The following SPOPL variants were observed in gnomAD, a reference collection of about 807,000 sequenced individuals.
The protein encoded by SPOPL is speckle type BTB/POZ protein like.
A neutral mutation model predicts 53.8 loss-of-function variants in SPOPL; 23 were observed. The observed-to-expected ratio is 0.43, with a 90% confidence interval of 0.31 to 0.61. SPOPL has a LOEUF of 0.61. Ranked by LOEUF, SPOPL falls within the 20% of genes least tolerant of loss-of-function variation. The pLI is 0.12. For synonymous variants in SPOPL, 164 were observed against 149.7 expected (o/e 1.10, Z -0.70); for missense variants, 442 against 466.9 (o/e 0.95, Z 0.49).
intron 1 of SPOPL, among the ~76,000 whole-genome samples, chr2:138,527,609 AG>A (rs1369657559): frequency 6.6e-6 from 1 of 152,230 alleles, no homozygotes; most frequent in Non-Finnish European, 1.5e-5. Flanking sequence ...ATTTTTTAAA[AG>A]TATACCATTC....
In SPOPL at chr2:138,550,464, G is replaced by A. The variant is rs780755602; in HGVS notation, c.79-19G>A. ...GTATTACCGTCATCATTATAAAAGT[G>A]GTTTTCTGAATCTCTTAGGTTAAAG... On this transcript the variant is annotated intron_variant, in intron 2 of 10. Transcript: ENST00000280098. 6.3e-7 allele frequency: 1 copy of A among 1,597,914 alleles called. No individual in the cohort carries two copies. Among genetic ancestry groups the A allele is most frequent in the East Asian group, 2.2e-5 (1 of 44,576 alleles).
intron 5 of SPOPL, among the ~76,000 whole-genome samples, chr2:138,556,384 G>C (rs1168565529): frequency 6.6e-6 from 1 of 152,158 alleles, no homozygotes; most frequent in Non-Finnish European, 1.5e-5. Context: ...TAGAATTCAA[G>C]AAATCATTTC....
chr2:138,535,894 G>C (rs1343369755), intron 1 of SPOPL, among the ~76,000 whole-genome samples: 2 of 151,686 alleles, frequency 1.3e-5, no homozygotes, highest in South Asian at 2.1e-4. Flanking sequence ...TCTTCTATTT[G>C]TTCATATCTA....
At chr2:138,516,176 G>T (rs1684433651) in intron 1 of SPOPL, among the ~76,000 whole-genome samples, 1 of 152,208 alleles carries the variant, frequency 6.6e-6, no homozygotes, top group African/African-American at 2.4e-5. Context: ...TGGTTAGATT[G>T]ATATGGAGTG....
intron 1 of SPOPL, among the ~76,000 whole-genome samples, chr2:138,539,922 A>G (rs925932493): frequency 1.3e-5 from 2 of 152,290 alleles, no homozygotes; most frequent in Non-Finnish European, 2.9e-5. Context: ...TAATTTTTGT[A>G]TAAGGTGTAA....
At position 138,544,505 on chromosome 2, in the gene SPOPL, G is replaced by C. The variant is rs191650353; in HGVS notation, c.-60-5652G>C. Reference sequence around the variant, plus strand: ...GACTGCTGTGTTAGCAATGAGCGAGGCTCCCTGGGCGTTAAGACCCTCCGA... The same window carrying C: ...GACTGCTGTGTTAGCAATGAGCGAGCCTCCCTGGGCGTTAAGACCCTCCGA... On this transcript the variant is annotated intron_variant, in intron 1 of 10. Coordinates refer to ENST00000280098, the MANE Select transcript of SPOPL (RefSeq NM_001001664.3). Among the ~76,000 whole-genome samples, 437 of 152,314 alleles carry C rather than the reference G, an allele frequency of 2.9e-3. 2 individuals are homozygous for C. The highest frequency in any genetic ancestry group is 0.01 in the Middle Eastern group (3 of 294).
rs1413823185 is a variant in SPOPL, at chr2:138,550,537, C to T, written c.133C>T (p.Arg45Ter). The T allele has an allele frequency of 1.9e-6, 3 of 1,611,354 alleles. No homozygotes were observed. Among genetic ancestry groups the T allele is most frequent in the Non-Finnish European group, 1.7e-6 (2 of 1,178,042 alleles). The change falls in exon 3 of 11, where the codon CGA becomes TGA. Residue 45 changes from arginine (R) to a stop codon, truncating the protein, a stop_gained. Transcript: ENST00000280098. LOFTEE classifies it high-confidence loss of function. The stretch of plus-strand genomic sequence containing the variant: ...GACCATTAATAACTTCAGTTTTTGT[C>T]GAGAGGAAATGGGTGAAGTGTTAAA... ...MWTINNFSFC[R>*]EEMGEVLKSS...
At chr2:138,516,003 G>T (rs1684430229) in intron 1 of SPOPL, among the ~76,000 whole-genome samples, 1 of 152,116 alleles carries the variant, frequency 6.6e-6, no homozygotes, top group Non-Finnish European at 1.5e-5. Flanking sequence ...TTCATTATTT[G>T]TAAGATTTTT....
intron 1 of SPOPL, among the ~76,000 whole-genome samples, chr2:138,508,902 G>T (rs1371748640): frequency 2.0e-5 from 3 of 151,860 alleles, no homozygotes; most frequent in Non-Finnish European, 4.4e-5. Context: ...GGCTCTTACA[G>T]GTACCCTTTT....
At chr2:138,541,576 C>T (rs557035967) in intron 1 of SPOPL, among the ~76,000 whole-genome samples, 39 of 152,188 alleles carry the variant, frequency 2.6e-4, no homozygotes, top group Middle Eastern at 3.4e-3. Flanking sequence ...TCTGTGGGAT[C>T]GGTGGTGATA....
chr2:138,534,061 A>G (rs1295524101), intron 1 of SPOPL, among the ~76,000 whole-genome samples: 1 of 152,134 alleles, frequency 6.6e-6, no homozygotes, highest in Non-Finnish European at 1.5e-5. Context: ...TAGAAGCTTG[A>G]TAGCTAACAC....
At chr2:138,508,452 C>T (rs942310496) in intron 1 of SPOPL, among the ~76,000 whole-genome samples, 50 of 152,148 alleles carry the variant, frequency 3.3e-4, no homozygotes, top group African/African-American at 1.2e-3. Flanking sequence ...CTGCCTCAGC[C>T]TCCTGAGTAG....
intron 10 of SPOPL, among the ~76,000 whole-genome samples, chr2:138,566,023 C>T (rs192383259): frequency 9.9e-5 from 15 of 152,170 alleles, no homozygotes; most frequent in Non-Finnish European, 1.6e-4. Context: ...AGTGAGCCAC[C>T]GTGCCCGGCC....
At position 138,573,366 on chromosome 2, in the gene SPOPL, T is replaced by G. The variant is rs1321119083; in HGVS notation, c.*4286T>G. ...AATTGTCTTTTCTACATAGGGGAGC[T>G]CTTGTTTTTTGGAACCAATTGAAGA... is the stretch of plus-strand genomic sequence containing the variant. On this transcript the variant is annotated 3_prime_UTR_variant, in exon 11 of 11. Transcript: ENST00000280098. The G allele has an allele frequency of 1.3e-5, 2 of 152,148 alleles. No homozygotes were observed. Among genetic ancestry groups the G allele is most frequent in the Non-Finnish European group, 2.9e-5 (2 of 68,010 alleles). 9.4% of individuals were successfully genotyped at this position (152,148 alleles called of 1,614,324 possible). A position where few individuals can be genotyped will look rare whatever the true frequency, so the allele number is the denominator to read the frequency against.
chr2:138,502,664 T>A (rs1684131395), intron 1 of SPOPL, among the ~76,000 whole-genome samples: 1 of 151,964 alleles, frequency 6.6e-6, no homozygotes, highest in African/African-American at 2.4e-5. Flanking sequence ...GCCTTTAACC[T>A]CTCTTTAACC....
rs368360974 is a variant in SPOPL, at chr2:138,560,785, G to A, written c.715-20G>A. ...TACTTTTTTTTTTTTTAACATTTTT[G>A]TGTTGTTTTTCGATATCAGAATCGA... On this transcript the variant is annotated intron_variant, in intron 7 of 10. Coordinates refer to ENST00000280098, the MANE Select transcript of SPOPL (RefSeq NM_001001664.3). 191 of 1,531,136 alleles carry A rather than the reference G, an allele frequency of 1.2e-4. No individual in the cohort carries two copies. The highest frequency in any genetic ancestry group is 1.2e-3 in the Admixed American group (51 of 43,820). 94.8% of individuals were successfully genotyped at this position (1,531,136 alleles called of 1,614,324 possible).
Position 138,570,779 on chromosome 2 carries a change from A to G in SPOPL, c.*1699A>G, listed in dbSNP as rs1016502695. On this transcript the variant is annotated 3_prime_UTR_variant, in exon 11 of 11. Transcript: ENST00000280098. ...TATCTCTTTGTTAGGTGTTAACTGA[A>G]GCAATTCGAATATGTCCAGATTCAT... 1.3e-5 allele frequency: 2 copies of G among 152,188 alleles called. No homozygotes were observed. The highest frequency in any genetic ancestry group is 2.9e-5 in the Non-Finnish European group (2 of 68,032). 9.4% of individuals were successfully genotyped at this position (152,188 alleles called of 1,614,324 possible).
At chr2:138,539,149 T>C (rs912620565) in intron 1 of SPOPL, among the ~76,000 whole-genome samples, 2 of 152,238 alleles carry the variant, frequency 1.3e-5, no homozygotes, top group Non-Finnish European at 2.9e-5. Flanking sequence ...CAGTCTATCA[T>C]TGTTGGACAT....
intron 1 of SPOPL, among the ~76,000 whole-genome samples, chr2:138,516,978 G>A (rs989634167): frequency 1.3e-5 from 2 of 152,178 alleles, no homozygotes; most frequent in African/African-American, 4.8e-5. Flanking sequence ...GTAAATGCTA[G>A]ACAAATGTGA....
Sources: gnomAD v4.1 joint callset for allele counts (sites outside exome capture counted in the v4.1 genomes callset) on GRCh38, gnomAD v4.1.1 for gene constraint, MANE v1.5 for transcripts, NCBI Gene and HGNC (gene_info 2026-07-23, HGNC 2026-07-21) for gene names.